The following PITPNM2 variants were observed in gnomAD, a reference collection of about 807,000 sequenced individuals.
PITPNM2 encodes membrane-associated phosphatidylinositol transfer protein 2.
A neutral mutation model predicts 132.2 loss-of-function variants in PITPNM2; 35 were observed. The ratio of observed to expected loss-of-function variants is 0.26; its 90% CI spans 0.20 to 0.35. PITPNM2 has a LOEUF of 0.35. Among genes scored for constraint, PITPNM2 ranks in the 10% least tolerant of loss-of-function variants. PITPNM2 has a pLI of 1.00. For missense variants in PITPNM2, 1,332 were observed against 1,912.0 expected (o/e 0.70, Z 5.66); for synonymous variants, 738 against 799.2 (o/e 0.92, Z 1.29).
Position 123,082,625 on chromosome 12 carries a change from G to A in PITPNM2, c.-96+27760C>T, listed in dbSNP as rs55992397. Reference sequence around the variant, plus strand: ...CTAATTTTTATATTTTTAGTAAGACGGGGTTTCACCATGTTGGTCAGGCTG... The same window carrying A: ...CTAATTTTTATATTTTTAGTAAGACAGGGTTTCACCATGTTGGTCAGGCTG... On this transcript the variant is annotated intron_variant, in intron 2 of 25. Transcript: ENST00000320201. This position sits in a 1 kb window ranked among gnomAD's most constrained non-coding sequence, Gnocchi z 5.4. Among the ~76,000 whole-genome samples the A allele has an allele frequency of 0.042, 6,311 of 152,002 alleles. 431 individuals are homozygous for A. Among genetic ancestry groups the A allele is most frequent in the African/African-American group, 0.14 (5,907 of 41,418 alleles).
chr12:123,060,741 C>T (rs1200013313), intron 2 of PITPNM2, among the ~76,000 whole-genome samples: 1 of 152,184 alleles, frequency 6.6e-6, no homozygotes, highest in African/African-American at 2.4e-5. Context: ...AGAGAGGGTT[C>T]CAGGGTCCCT....
At chr12:123,119,948 G>T (rs2043003647) in intron 1 of PITPNM2, among the ~76,000 whole-genome samples, 1 of 152,096 alleles carries the variant, frequency 6.6e-6, no homozygotes, top group Admixed American at 6.5e-5. Context: ...TGAGGAGGCT[G>T]TGTCAGCTCA....
intron 2 of PITPNM2, among the ~76,000 whole-genome samples, chr12:123,050,973 A>G (rs186494026): frequency 1.4e-3 from 207 of 152,332 alleles, no homozygotes; most frequent in African/African-American, 4.4e-3. Context: ...TGCTGCATTC[A>G]GTTGCACAGG....
Position 123,009,926 on chromosome 12 carries a change from G to A in PITPNM2, c.567C>T (p.Cys189=), listed in dbSNP as rs749317258. 1.4e-5 allele frequency: 23 copies of A among 1,614,072 alleles called. No individual in the cohort carries two copies. Among genetic ancestry groups the A allele is most frequent in the Admixed American group, 5.0e-5 (3 of 59,998 alleles). Residue 189 remains cysteine (C), a synonymous_variant, in exon 6 of 26, where the codon TGC becomes TGT. Coordinates refer to ENST00000320201, the MANE Select transcript of PITPNM2 (RefSeq NM_020845.3). The surrounding 1 kb of genome is among the most constrained non-coding windows in gnomAD (Gnocchi z 4.8). ...EYKKQVFPIM[C]AYKLCKVEFR... ...ACTCCACCTTGCAGAGCTTGTATGC[G>A]CACATGATGGGGAAGACCTGCTTCT...
intron 2 of PITPNM2, among the ~76,000 whole-genome samples, chr12:123,055,414 T>A (rs2040990088): frequency 6.6e-6 from 1 of 152,208 alleles, no homozygotes; most frequent in Non-Finnish European, 1.5e-5. Flanking sequence ...GGCCTGGAAC[T>A]ACCTCAAAGG....
Position 123,001,930 on chromosome 12 carries a change from C to T in PITPNM2, c.1049-772G>A, listed in dbSNP as rs527470656. Among the ~76,000 whole-genome samples, 3 of 151,844 alleles carry T rather than the reference C, an allele frequency of 2.0e-5. No individual in the cohort carries two copies. In the South Asian group the frequency reaches 6.2e-4, roughly 32 times the overall value. On this transcript the variant is annotated intron_variant, in intron 8 of 25. Coordinates refer to ENST00000320201, the MANE Select transcript of PITPNM2 (RefSeq NM_020845.3). ...CCTGTAGTCTCAGCTACTCGGGAGGCTGAGGCAGGCGAATTACTTGAACCT... is the reference window on the plus strand; with the variant it reads ...CCTGTAGTCTCAGCTACTCGGGAGGTTGAGGCAGGCGAATTACTTGAACCT...
chr12:123,047,643 T>C (rs528153752), intron 2 of PITPNM2, among the ~76,000 whole-genome samples: 1 of 152,240 alleles, frequency 6.6e-6, no homozygotes, highest in African/African-American at 2.4e-5. Context: ...TAAGCACCTC[T>C]TAGGGTCCAG....
chr12:123,028,309 C>A (rs2039939379), intron 3 of PITPNM2, among the ~76,000 whole-genome samples: 1 of 152,226 alleles, frequency 6.6e-6, no homozygotes, highest in African/African-American at 2.4e-5. Flanking sequence ...ACGCGCGAGC[C>A]CAGCCCATCT....
At chr12:123,135,603 G>C (rs1023124794) in intron 1 of PITPNM2, among the ~76,000 whole-genome samples, 2 of 152,196 alleles carry the variant, frequency 1.3e-5, no homozygotes, top group Non-Finnish European at 2.9e-5. Flanking sequence ...GTATAAGTGA[G>C]ATCATGCAGT....
chr12:122,994,908 G>A lies in PITPNM2; in HGVS notation c.2126C>T (p.Thr709Ile), dbSNP rs1385020928. 1 of 1,612,200 alleles carries A rather than the reference G, an allele frequency of 6.2e-7. No individual in the cohort carries two copies. Among genetic ancestry groups the A allele is most frequent in the South Asian group, 1.1e-5 (1 of 90,944 alleles). Residue 709 changes from threonine (T) to isoleucine (I), a missense_variant, in exon 15 of 26, where the codon ACA becomes ATA. Physicochemically the swap from Thr to Ile is moderately conservative, Grantham distance 89. Around this residue, in one of 6 missense-constraint regions of PITPNM2, gnomAD observed 710 missense variants for 911.5 expected, o/e 0.78. Transcript: ENST00000320201. This position sits in a 1 kb window ranked among gnomAD's most constrained non-coding sequence, Gnocchi z 5.4. ...HSSSSTMLDGTGALGRFDFEI... is the reference protein window; with the variant it reads ...HSSSSTMLDGIGALGRFDFEI... ...AAAGTCAAACCTGCCCAGGGCACCT[G>A]TGCCATCCAGCATGGTGGAGCTGCT...
rs912149719 is a variant in PITPNM2 at position 123,036,058 on chromosome 12, C to T, written c.-95-1373G>A. ...TATTTTAGCAAGACTACTCCAAGGA[C>T]AGCAGCCAGGGAGGATTCACAGTGA... On this transcript the variant is annotated intron_variant, in intron 2 of 25. Transcript: ENST00000320201. The surrounding 1 kb of genome is among the most constrained non-coding windows in gnomAD (Gnocchi z 4.1). Among the ~76,000 whole-genome samples, 1 of 152,120 alleles carries T rather than the reference C, an allele frequency of 6.6e-6. No individual in the cohort carries two copies. The highest frequency in any genetic ancestry group is 1.5e-5 in the Non-Finnish European group (1 of 68,038).
chr12:123,000,032 C>T lies in PITPNM2; in HGVS notation c.1224+746G>A, dbSNP rs889070343. On this transcript the variant is annotated intron_variant, in intron 10 of 25. Coordinates refer to ENST00000320201, the MANE Select transcript of PITPNM2 (RefSeq NM_020845.3). This position sits in a 1 kb window ranked among gnomAD's most constrained non-coding sequence, Gnocchi z 5.4. ...TAGAAAGCTGACCTCGGCATCAGAC[C>T]GCAAAGCAGAAAACCACAGGAGGGG... Among the ~76,000 whole-genome samples, 7 of 152,186 alleles carry T rather than the reference C, an allele frequency of 4.6e-5. No individual in the cohort carries two copies. Among genetic ancestry groups the T allele is most frequent in the South Asian group, 2.1e-4 (1 of 4,830 alleles).
chr12:123,137,209 G>A (rs544480801), intron 1 of PITPNM2, among the ~76,000 whole-genome samples: 1 of 152,202 alleles, frequency 6.6e-6, no homozygotes, highest in Admixed American at 6.5e-5. Context: ...TATGTGTCTC[G>A]TGCCTTCCCT....
At chr12:123,030,101 C>A (rs1403310652) in intron 3 of PITPNM2, among the ~76,000 whole-genome samples, 1 of 151,124 alleles carries the variant, frequency 6.6e-6, no homozygotes, top group Non-Finnish European at 1.5e-5. Flanking sequence ...ATCAGAAAAG[C>A]CTCCGAGAAG....
chr12:123,127,756 C>T (rs914311767), intron 1 of PITPNM2, among the ~76,000 whole-genome samples: 3 of 152,176 alleles, frequency 2.0e-5, no homozygotes, highest in African/African-American at 7.2e-5. Context: ...ACTACAGGCG[C>T]CCGCCACCAC....
chr12:123,010,168 G>GAGTCCTGGGA, intron 5 of PITPNM2, 91 bp from the exon 6 acceptor site: 1 of 1,133,126 alleles, frequency 8.8e-7, no homozygotes, highest in Non-Finnish European at 1.3e-6. Context: ...AATCCTCCCA[G>GAGTCCTGGGA]GACTCTGGGC....
rs1190797537 is a variant in PITPNM2 at position 123,004,103 on chromosome 12, A to G, written c.1048+291T>C. Among the ~76,000 whole-genome samples, 1 of 152,188 alleles carries G rather than the reference A, an allele frequency of 6.6e-6. No individual in the cohort carries two copies. Among genetic ancestry groups the G allele is most frequent in the Non-Finnish European group, 1.5e-5 (1 of 68,030 alleles). On this transcript the variant is annotated intron_variant, in intron 8 of 25. Transcript: ENST00000320201. This position sits in a 1 kb window ranked among gnomAD's most constrained non-coding sequence, Gnocchi z 4.9. ...GAATAAAGCCCTAGTCTGATGGTGTATCCTTATTTGGGGTTTCAAGAGCGC... is the reference window on the plus strand; with the variant it reads ...GAATAAAGCCCTAGTCTGATGGTGTGTCCTTATTTGGGGTTTCAAGAGCGC...
chr12:123,063,958 A>G (rs1448183513), intron 2 of PITPNM2, among the ~76,000 whole-genome samples: 1 of 151,858 alleles, frequency 6.6e-6, no homozygotes, highest in African/African-American at 2.4e-5. Context: ...CAGACAATCA[A>G]TGTAAAGCAC....
intron 1 of PITPNM2, among the ~76,000 whole-genome samples, chr12:123,133,997 G>T (rs1790116): frequency 0.63 from 96,063 of 151,984 alleles, 35,093 homozygotes; most frequent in East Asian, 0.97. Flanking sequence ...TCATTACTCT[G>T]AAAAACATAG....
Sources: gnomAD v4.1 joint callset for allele counts (sites outside exome capture counted in the v4.1 genomes callset) on GRCh38, gnomAD v4.1.1 for gene constraint, gnomAD v4.1.1 regional missense constraint, Gnocchi (gnomAD v3.1) non-coding constraint, MANE v1.5 for transcripts, NCBI Gene and HGNC (gene_info 2026-07-23, HGNC 2026-07-21) for gene names.